The following CIMIP2C variants were observed in gnomAD, a reference collection of about 807,000 sequenced individuals.
CIMIP2C encodes the protein ciliary microtubule inner protein 2C.
At chr2:26,565,059 T>TTCTTCTTCCCCTTCCC in the CIMIP2C span, among the ~76,000 whole-genome samples, 1 of 143,318 alleles carries the variant, frequency 7.0e-6, no homozygotes, top group African/African-American at 2.9e-5. Context: ...TTCTCCTTCT[T>TTCTTCTTCCCCTTCCC]CTTCCCCTTC....
the CIMIP2C span, chr2:26,576,010 C>T: frequency 1.2e-6 from 2 of 1,614,184 alleles, no homozygotes; most frequent in Non-Finnish European, 1.7e-6. Flanking sequence ...AGAAGAGCCA[C>T]ACTCCCTTCA....
the CIMIP2C span, among the ~76,000 whole-genome samples, chr2:26,576,943 A>C: frequency 6.6e-6 from 1 of 152,142 alleles, no homozygotes; most frequent in East Asian, 1.9e-4. Context: ...ACCTTCTCTC[A>C]CAAGCCTCCC....
chr2:26,577,463 T>C, the CIMIP2C span: 1 of 1,488,458 alleles, frequency 6.7e-7, no homozygotes, highest in Non-Finnish European at 9.4e-7. Context: ...CAGGTGCCTG[T>C]GGTCAGTCCT....
the CIMIP2C span, among the ~76,000 whole-genome samples, chr2:26,568,476 C>G: frequency 6.6e-6 from 1 of 152,188 alleles, no homozygotes; most frequent in African/African-American, 2.4e-5. Context: ...AACTGTGGAG[C>G]CCCCTAAGAA....
the CIMIP2C span, chr2:26,577,433 G>A: frequency 4.6e-6 from 6 of 1,297,894 alleles, no homozygotes; most frequent in Non-Finnish European, 5.5e-6. Context: ...CCCTGCCCAG[G>A]TGCAGCGAGG....
the CIMIP2C span, chr2:26,562,590 C>A: frequency 1.2e-5 from 18 of 1,558,306 alleles, no homozygotes; most frequent in East Asian, 1.7e-4. Flanking sequence ...GAGCGCCAGG[C>A]TCGCTGTACT....
At chr2:26,578,711 A>T in the CIMIP2C span, 1 of 470,574 alleles carries the variant, frequency 2.1e-6, no homozygotes, top group Middle Eastern at 3.3e-4. Flanking sequence ...GGCTCTGGCC[A>T]GGATCTGCCC....
chr2:26,566,096 C>G, the CIMIP2C span, among the ~76,000 whole-genome samples: 69 of 152,358 alleles, frequency 4.5e-4, 1 homozygote, highest in Admixed American at 2.0e-3. Context: ...ACTCCTCATT[C>G]TCTGTTTCTG....
chr2:26,577,531 C>T, the CIMIP2C span: 5 of 1,614,038 alleles, frequency 3.1e-6, no homozygotes, highest in East Asian at 2.2e-5. Flanking sequence ...CCAGCAGCAT[C>T]GGAAGTACTA....
the CIMIP2C span, chr2:26,575,971 C>T: frequency 6.2e-7 from 1 of 1,613,960 alleles, no homozygotes; most frequent in East Asian, 2.2e-5. Flanking sequence ...CCCTCAAGTA[C>T]TTCCAGGACC....
the CIMIP2C span, among the ~76,000 whole-genome samples, chr2:26,566,155 T>C: frequency 6.6e-6 from 1 of 152,352 alleles, no homozygotes; most frequent in South Asian, 2.1e-4. Flanking sequence ...GCGCCATGCA[T>C]TCATTCATGC....
At chr2:26,565,112 T>C in the CIMIP2C span, among the ~76,000 whole-genome samples, 1 of 149,050 alleles carries the variant, frequency 6.7e-6, no homozygotes, top group Non-Finnish European at 1.5e-5. Flanking sequence ...CTTTTTTTAA[T>C]GGAGTCTTGC....
At chr2:26,579,059 C>T in the CIMIP2C span, 1 of 573,240 alleles carries the variant, frequency 1.7e-6, no homozygotes, top group Middle Eastern at 3.2e-4. Flanking sequence ...GGAGTTAGGA[C>T]CAGAGTCCGT....
chr2:26,564,564 C>T, the CIMIP2C span, among the ~76,000 whole-genome samples: 9 of 152,192 alleles, frequency 5.9e-5, no homozygotes. Flanking sequence ...GGGTTGTGTT[C>T]CCCTTAAAGA....
the CIMIP2C span, chr2:26,562,622 C>T: frequency 1.3e-5 from 20 of 1,582,494 alleles, no homozygotes; most frequent in South Asian, 2.3e-4. Flanking sequence ...CATGGCCTCC[C>T]GCAGCGCGGG....
the CIMIP2C span, chr2:26,576,096 A>T: frequency 6.2e-7 from 1 of 1,614,156 alleles, no homozygotes; most frequent in Non-Finnish European, 8.5e-7. Flanking sequence ...AGCACCCGGG[A>T]CCGCTGGCTG....
chr2:26,566,040 T>C, the CIMIP2C span, among the ~76,000 whole-genome samples: 3 of 152,186 alleles, frequency 2.0e-5, no homozygotes, highest in Non-Finnish European at 4.4e-5. Flanking sequence ...TTGGCCTCAG[T>C]GAGGATCCAA....
At chr2:26,573,453 C>T in the CIMIP2C span, among the ~76,000 whole-genome samples, 2 of 152,198 alleles carry the variant, frequency 1.3e-5, no homozygotes, top group Admixed American at 1.3e-4. Context: ...AGGGCAGAGG[C>T]TGAGAGAGAC....
chr2:26,577,545 A>G, the CIMIP2C span: 1 of 1,614,126 alleles, frequency 6.2e-7, no homozygotes, highest in South Asian at 1.1e-5. Context: ...AGTACTATCA[A>G]GACAAGACGG....
Sources: gnomAD v4.1 joint callset for allele counts (sites outside exome capture counted in the v4.1 genomes callset) on GRCh38, gnomAD v4.1.1 for gene constraint, MANE v1.5 for transcripts, NCBI Gene and HGNC (gene_info 2026-07-23, HGNC 2026-07-21) for gene names.